Variants in RBFOX1 observed in about 807,000 individuals in gnomAD.
RBFOX1 encodes the protein RNA binding protein fox-1 homolog 1.
In RBFOX1, 8 loss-of-function variants were observed where a neutral mutation model predicts 57.7. The observed-to-expected ratio is 0.14, with a 90% CI of 0.08 to 0.25. The LOEUF is 0.25. Ranked by LOEUF, RBFOX1 falls within the 10% of genes least tolerant of loss-of-function variation. RBFOX1 has a pLI of 1.00. For synonymous variants in RBFOX1, 326 were observed against 222.4 expected (o/e 1.47, Z -4.15); for missense variants, 611 against 548.5 (o/e 1.11, Z -1.14).
intron 4 of RBFOX1, among the ~76,000 whole-genome samples, chr16:7,363,906 C>T (rs1186070857): frequency 6.6e-6 from 1 of 151,998 alleles, no homozygotes; most frequent in African/African-American, 2.4e-5. Flanking sequence ...TCATTGTTGG[C>T]ACTTCAGCAG....
At chr16:5,458,315 A>G (rs1051624410) in intron 1 of RBFOX1, among the ~76,000 whole-genome samples, 2 of 151,662 alleles carry the variant, frequency 1.3e-5, no homozygotes, top group African/African-American at 2.4e-5. Flanking sequence ...ATTAGAGCTC[A>G]TGGGAATAAG....
intron 4 of RBFOX1, among the ~76,000 whole-genome samples, chr16:7,118,102 GA>G (rs2066309617): frequency 6.6e-6 from 1 of 152,122 alleles, no homozygotes; most frequent in Non-Finnish European, 1.5e-5. Context: ...CCAGTAGTGG[GA>G]TTAACTGGAT....
intron 1 of RBFOX1, among the ~76,000 whole-genome samples, chr16:6,210,998 C>A (rs1300991707): frequency 6.6e-6 from 1 of 151,962 alleles, no homozygotes; most frequent in African/African-American, 2.4e-5. Flanking sequence ...TCAGCTGAAC[C>A]AAGTAGAGGG....
intron 4 of RBFOX1, among the ~76,000 whole-genome samples, chr16:7,263,693 C>T (rs949425533): frequency 1.3e-5 from 2 of 151,814 alleles, no homozygotes; most frequent in African/African-American, 2.4e-5. Context: ...GTCAGGAGTT[C>T]GAGACCAGCC....
chr16:5,886,765 G>A (rs1597642170), intron 4 of RBFOX1, among the ~76,000 whole-genome samples: 1 of 152,210 alleles, frequency 6.6e-6, no homozygotes, highest in Non-Finnish European at 1.5e-5. Flanking sequence ...GCAGATGCCT[G>A]TAATCCCAGC....
intron 2 of RBFOX1, among the ~76,000 whole-genome samples, chr16:6,457,562 C>A (rs1364993057): frequency 6.6e-6 from 1 of 151,968 alleles, no homozygotes; most frequent in African/African-American, 2.4e-5. Flanking sequence ...GCTCTAGCTC[C>A]CATCACCATT....
At chr16:6,804,764 T>C (rs976396775) in intron 3 of RBFOX1, among the ~76,000 whole-genome samples, 7 of 152,132 alleles carry the variant, frequency 4.6e-5, no homozygotes, top group Non-Finnish European at 7.4e-5. Context: ...ACGCAGTGGA[T>C]TGGGGGCCGT....
chr16:7,111,560 A>G (rs1437403119), intron 4 of RBFOX1, among the ~76,000 whole-genome samples: 1 of 152,130 alleles, frequency 6.6e-6, no homozygotes, highest in Non-Finnish European at 1.5e-5. Flanking sequence ...TATCAGTTTT[A>G]TCAGCTTATC....
chr16:5,739,858 A>C (rs1467501981), intron 3 of RBFOX1, among the ~76,000 whole-genome samples: 1 of 152,192 alleles, frequency 6.6e-6, no homozygotes, highest in Admixed American at 6.5e-5. Flanking sequence ...GCTTCATTCC[A>C]GTTTTTCAAG....
chr16:6,257,767 T>C (rs1416662333), intron 1 of RBFOX1, among the ~76,000 whole-genome samples: 1 of 152,210 alleles, frequency 6.6e-6, no homozygotes, highest in Admixed American at 6.5e-5. Context: ...TTCTTTTTTA[T>C]GGCTGCATAG....
intron 1 of RBFOX1, among the ~76,000 whole-genome samples, chr16:5,312,426 C>T (rs12928745): frequency 0.06 from 9,095 of 152,266 alleles, 302 homozygotes; most frequent in Middle Eastern, 0.11. Flanking sequence ...TCAAGTGATT[C>T]TCCTGCCTCA....
intron 2 of RBFOX1, among the ~76,000 whole-genome samples, chr16:6,562,771 A>G (rs1242928083): frequency 6.6e-6 from 1 of 151,484 alleles, no homozygotes; most frequent in Non-Finnish European, 1.5e-5. Flanking sequence ...TTTCTTTCTA[A>G]TTGAGAAAGC....
chr16:6,661,958 G>A (rs973458688), intron 3 of RBFOX1, among the ~76,000 whole-genome samples: 4 of 152,158 alleles, frequency 2.6e-5, no homozygotes, highest in African/African-American at 4.8e-5. Flanking sequence ...CCATTGAAAC[G>A]AAGGGAAATC....
At chr16:6,526,438 A>G (rs1386168940) in intron 2 of RBFOX1, among the ~76,000 whole-genome samples, 1 of 152,174 alleles carries the variant, frequency 6.6e-6, no homozygotes, top group East Asian at 1.9e-4. Flanking sequence ...GTCACACTAC[A>G]TTGCTGTAGA....
At chr16:7,038,912 C>T (rs188499873) in intron 3 of RBFOX1, among the ~76,000 whole-genome samples, 4 of 152,316 alleles carry the variant, frequency 2.6e-5, no homozygotes, top group South Asian at 2.1e-4. Flanking sequence ...TGTTCAAATT[C>T]TGTGGGCATC....
At chr16:5,396,175 C>T (rs776706492) in intron 1 of RBFOX1, among the ~76,000 whole-genome samples, 1 of 152,172 alleles carries the variant, frequency 6.6e-6, no homozygotes, top group Non-Finnish European at 1.5e-5. Flanking sequence ...AATACTTATG[C>T]TAAATAGGTA....
chr16:5,558,329 A>G (rs967854468), intron 2 of RBFOX1, among the ~76,000 whole-genome samples: 1 of 151,888 alleles, frequency 6.6e-6, no homozygotes, highest in African/African-American at 2.4e-5. Flanking sequence ...TAGACACCCA[A>G]CCCTAGATGC....
intron 14 of RBFOX1, among the ~76,000 whole-genome samples, chr16:7,690,996 C>CA (rs750224531): frequency 3.3e-5 from 5 of 152,088 alleles, no homozygotes; most frequent in Non-Finnish European, 7.4e-5. Flanking sequence ...AAGCATTGTT[C>CA]AGGGAAGTAG....
chr16:5,839,422 A>G (rs1183308446), intron 3 of RBFOX1, among the ~76,000 whole-genome samples: 2 of 152,222 alleles, frequency 1.3e-5, no homozygotes, highest in East Asian at 1.9e-4. Flanking sequence ...CTCCACAGCC[A>G]CTAAGTGTCC....
Sources: allele counts gnomAD v4.1 joint callset (sites outside exome capture counted in the v4.1 genomes callset), GRCh38; gene constraint gnomAD v4.1.1; transcripts MANE v1.5; gene names NCBI Gene and HGNC (gene_info 2026-07-23, HGNC 2026-07-21).